CSMD2: variants seen among roughly 807,000 people sequenced by gnomAD.
The protein encoded by CSMD2 is CUB and sushi domain-containing protein 2.
In CSMD2, 130 loss-of-function variants were observed where a neutral mutation model predicts 398.5. That is an observed-to-expected ratio of 0.33 (90% CI 0.28 to 0.38). The LOEUF (loss-of-function observed/expected upper bound fraction) is 0.38, where lower values mean the gene tolerates loss of function less well. CSMD2 is among the 10% of genes least tolerant of loss of function. The pLI is 1.00. For synonymous variants in CSMD2, 1,828 were observed against 1,908.5 expected (o/e 0.96, Z 1.10); for missense variants, 3,829 against 4,764.9 (o/e 0.80, Z 5.78).
chr1:33,582,654 G>A (rs1638807799), intron 47 of CSMD2, among the ~76,000 whole-genome samples: 1 of 152,160 alleles, frequency 6.6e-6, no homozygotes, highest in Admixed American at 6.5e-5. Context: ...CTGGATACAG[G>A]ATGTTAATTG....
chr1:33,537,506 C>G lies in CSMD2; in HGVS notation c.9735G>C (p.Val3245=). ...AAAACCTGCGTGGAGAGCCCACCAGCACCAGAGGGGGATGGCAGGAGAAGG... is the reference window on the plus strand; with the variant it reads ...AAAACCTGCGTGGAGAGCCCACCAGGACCAGAGGGGGATGGCAGGAGAAGG... ...SVSFSCHPPL[V]LVGSPRRFCQ... Residue 3245 remains valine (V), a synonymous_variant, in exon 61 of 71, where the codon GTG becomes GTC. Transcript: ENST00000373381. The surrounding 1 kb of genome is among the most constrained non-coding windows in gnomAD (Gnocchi z 4.6). 1 of 1,614,184 alleles carries G rather than the reference C, an allele frequency of 6.2e-7. No homozygotes were observed. Among genetic ancestry groups the G allele is most frequent in the Non-Finnish European group, 8.5e-7 (1 of 1,180,010 alleles).
At chr1:33,903,781 G>A (rs1642903952) in intron 5 of CSMD2, among the ~76,000 whole-genome samples, 1 of 152,230 alleles carries the variant, frequency 6.6e-6, no homozygotes, top group Non-Finnish European at 1.5e-5. Flanking sequence ...CTGATAGACA[G>A]CAAGGGTTAC....
intron 5 of CSMD2, among the ~76,000 whole-genome samples, chr1:33,891,560 A>G (rs1642019777): frequency 6.6e-6 from 1 of 151,742 alleles, no homozygotes; most frequent in Non-Finnish European, 1.5e-5. Context: ...TATATACCCA[A>G]AGGATTAAAA....
chr1:33,957,857 A>T (rs942857284), intron 3 of CSMD2, among the ~76,000 whole-genome samples: 1 of 152,080 alleles, frequency 6.6e-6, no homozygotes, highest in Non-Finnish European at 1.5e-5. Context: ...TCCTGCCAAT[A>T]AGCAATTCAT....
At chr1:33,631,469 T>C (rs1481578081) in intron 32 of CSMD2, among the ~76,000 whole-genome samples, 2 of 152,140 alleles carry the variant, frequency 1.3e-5, no homozygotes, top group Non-Finnish European at 2.9e-5. Flanking sequence ...GGAGAATTAG[T>C]TGGCAGTGTA....
At chr1:34,111,835 G>A (rs141754079) in intron 1 of CSMD2, among the ~76,000 whole-genome samples, 5 of 152,226 alleles carry the variant, frequency 3.3e-5, no homozygotes, top group African/African-American at 1.2e-4. Context: ...CAGCATGAAG[G>A]CCTAAAAGAG....
In CSMD2 at chr1:33,658,027, C is replaced by T. The variant is rs375435304; in HGVS notation, c.4366G>A (p.Ala1456Thr). Residue 1456 changes from alanine (A) to threonine (T), a missense_variant, in exon 27 of 71, where the codon GCG becomes ACG. Transcript: ENST00000373381. ...STVFQCDPGYALQGSAEISCV... is the reference protein window; with the variant it reads ...STVFQCDPGYTLQGSAEISCV... ...CTGATCTCTGCACTTCCCTGCAGCG[C>T]GTAGCCAGGGTCACACTGGAACACT... 18 of 1,614,086 alleles carry T rather than the reference C, an allele frequency of 1.1e-5. No individual in the cohort carries two copies. The highest frequency in any genetic ancestry group is 7.7e-5 in the South Asian group (7 of 91,092).
rs74329243 is a variant in CSMD2, at chr1:33,762,553, C to T, written c.1846+10016G>A. On this transcript the variant is annotated intron_variant, in intron 13 of 70. Transcript: ENST00000373381. Reference sequence around the variant, plus strand: ...ACCAGGACTCTTAGCTGGAATAAGGCCTTTGAACTGGGCCTTGGATTAAAC... The same window carrying T: ...ACCAGGACTCTTAGCTGGAATAAGGTCTTTGAACTGGGCCTTGGATTAAAC... 4.0e-3 allele frequency among the ~76,000 whole-genome samples: 609 copies of T among 152,274 alleles called. 2 individuals carry two copies. Among genetic ancestry groups the T allele is most frequent in the Non-Finnish European group, 6.7e-3 (459 of 68,024 alleles).
At chr1:33,614,027 T>C (rs1641219188) in intron 40 of CSMD2, among the ~76,000 whole-genome samples, 1 of 152,086 alleles carries the variant, frequency 6.6e-6, no homozygotes, top group Non-Finnish European at 1.5e-5. Flanking sequence ...CGAAGAAGAA[T>C]GCAAACTCGA....
At chr1:33,738,919 C>T (rs1646967361) in intron 15 of CSMD2, among the ~76,000 whole-genome samples, 2 of 152,158 alleles carry the variant, frequency 1.3e-5, no homozygotes, top group Non-Finnish European at 2.9e-5. Flanking sequence ...AATCCAGAGC[C>T]GTTTCTCTAC....
At chr1:33,671,126 G>A (rs1644483282) in intron 25 of CSMD2, among the ~76,000 whole-genome samples, 1 of 152,200 alleles carries the variant, frequency 6.6e-6, no homozygotes, top group South Asian at 2.1e-4. Flanking sequence ...GCTGAGACCT[G>A]AAGCCGTGGC....
chr1:33,707,693 G>GCACA (rs1385022470), intron 22 of CSMD2, among the ~76,000 whole-genome samples: 19 of 46,954 alleles, frequency 4.0e-4, no homozygotes, highest in African/African-American at 9.7e-4. Context: ...ACGCGCGCGC[G>GCACA]CGCACACACA....
chr1:33,923,099 TATAAA>T (rs1644004854), intron 4 of CSMD2, among the ~76,000 whole-genome samples: 1 of 152,210 alleles, frequency 6.6e-6, no homozygotes, highest in Admixed American at 6.5e-5. Flanking sequence ...AATTTATTGT[TATAAA>T]ATATTTGTAC....
In CSMD2 at chr1:33,523,395, T is replaced by C. The variant is rs1362540043; in HGVS notation, c.10421A>G (p.His3474Arg). ...LAGTYKKEDF[H>R]LLLQVYQITG... ...AATCTGGTACACCTGGAGTAGGAGA[T>C]GAAAATCTTCTTTCTTGTAAGTTCC... is the stretch of plus-strand genomic sequence containing the variant. The change falls in exon 67 of 71, where the codon CAT (histidine) becomes CGT (arginine). Residue 3474 changes from histidine to arginine, a missense_variant. Physicochemically the swap from His to Arg is conservative, Grantham distance 29. Coordinates refer to ENST00000373381, the MANE Select transcript of CSMD2 (RefSeq NM_001281956.2). 3.2e-6 allele frequency: 5 copies of C among 1,555,736 alleles called. No individual in the cohort carries two copies. The highest frequency in any genetic ancestry group is 2.7e-5 in the African/African-American group (2 of 73,802).
intron 2 of CSMD2, among the ~76,000 whole-genome samples, chr1:34,050,185 C>A (rs537829375): frequency 1.3e-5 from 2 of 152,172 alleles, no homozygotes; most frequent in Non-Finnish European, 2.9e-5. Flanking sequence ...AAGTGGGGTT[C>A]CCAAAATGGT....
chr1:33,731,156 A>G (rs1236766521), intron 15 of CSMD2, among the ~76,000 whole-genome samples: 1 of 152,256 alleles, frequency 6.6e-6, no homozygotes, highest in Non-Finnish European at 1.5e-5. Flanking sequence ...AAAATGTGCA[A>G]CTTTGGAAGG....
intron 29 of CSMD2, among the ~76,000 whole-genome samples, chr1:33,637,805 A>T (rs1642893004): frequency 1.3e-5 from 2 of 152,208 alleles, no homozygotes; most frequent in South Asian, 4.1e-4. Flanking sequence ...GGACTCAGAA[A>T]TTCAAAGAGT....
intron 5 of CSMD2, among the ~76,000 whole-genome samples, chr1:33,907,867 A>C (rs1643199626): frequency 6.6e-6 from 1 of 151,972 alleles, no homozygotes. Flanking sequence ...GTGGTGGCTC[A>C]CCTGAGGTCA....
intron 6 of CSMD2, among the ~76,000 whole-genome samples, chr1:33,834,812 A>C (rs1248242752): frequency 2.8e-5 from 1 of 35,326 alleles, no homozygotes; most frequent in African/African-American, 3.2e-4. Context: ...CAAGAAAAAA[A>C]CAAACAACCC....
Sources: gnomAD v4.1 joint callset for allele counts (sites outside exome capture counted in the v4.1 genomes callset) on GRCh38, gnomAD v4.1.1 for gene constraint, Gnocchi (gnomAD v3.1) non-coding constraint, MANE v1.5 for transcripts, NCBI Gene and HGNC (gene_info 2026-07-23, HGNC 2026-07-21) for gene names.